Variants in TAFA1 observed in about 807,000 individuals in gnomAD.
The protein encoded by TAFA1 is TAFA chemokine like family member 1, also known as chemokine-like protein TAFA-1.
In TAFA1, 4 loss-of-function variants were observed where a neutral mutation model predicts 18.5. The ratio of observed to expected loss-of-function variants is 0.22; its 90% CI spans 0.11 to 0.49. The LOEUF (loss-of-function observed/expected upper bound fraction) is 0.49. Among genes scored for constraint, TAFA1 ranks in the 20% least tolerant of loss-of-function variants. The pLI is 0.98. For synonymous variants in TAFA1, 56 were observed against 55.2 expected (o/e 1.01, Z -0.06); for missense variants, 147 against 169.0 (o/e 0.87, Z 0.72).
At chr3:68,207,414 G>C (rs529476221) in intron 2 of TAFA1, among the ~76,000 whole-genome samples, 1 of 151,904 alleles carries the variant, frequency 6.6e-6, no homozygotes, top group Non-Finnish European at 1.5e-5. Flanking sequence ...CTGTGCAGTA[G>C]AGTATTGTCT....
At chr3:68,429,205 C>A (rs1356463736) in intron 3 of TAFA1, among the ~76,000 whole-genome samples, 7 of 151,876 alleles carry the variant, frequency 4.6e-5, no homozygotes, top group African/African-American at 1.7e-4. Context: ...GTCCATGTCA[C>A]CTGGCAATGA....
At chr3:68,339,786 C>T (rs1158354944) in intron 2 of TAFA1, among the ~76,000 whole-genome samples, 5 of 152,132 alleles carry the variant, frequency 3.3e-5, no homozygotes, top group Non-Finnish European at 7.4e-5. Context: ...AGCCTCTAAT[C>T]AGTGGTATGC....
At chr3:67,997,071 G>C in the TAFA1 span, among the ~76,000 whole-genome samples, 1 of 151,996 alleles carries the variant, frequency 6.6e-6, no homozygotes, top group Admixed American at 6.6e-5. Context: ...GCTGAGTTAG[G>C]AAAAAGGAAG....
chr3:68,201,093 T>C (rs1214242136), intron 2 of TAFA1, among the ~76,000 whole-genome samples: 1 of 151,646 alleles, frequency 6.6e-6, no homozygotes, highest in Non-Finnish European at 1.5e-5. Context: ...TTTTATTTAG[T>C]TCAAAATATT....
chr3:68,357,617 A>G (rs1224348459), intron 2 of TAFA1, among the ~76,000 whole-genome samples: 1 of 151,930 alleles, frequency 6.6e-6, no homozygotes, highest in Non-Finnish European at 1.5e-5. Flanking sequence ...GAAAACTCCA[A>G]TTAGCTGACA....
At chr3:68,403,479 G>A (rs2070536425) in intron 2 of TAFA1, among the ~76,000 whole-genome samples, 1 of 152,210 alleles carries the variant, frequency 6.6e-6, no homozygotes, top group Non-Finnish European at 1.5e-5. Context: ...TTGGCAAACT[G>A]GCCTGTAGGC....
intron 2 of TAFA1, 139 bp downstream of exon 2, chr3:68,006,883 T>G: frequency 3.1e-6 from 2 of 648,824 alleles, no homozygotes; most frequent in Non-Finnish European, 5.5e-6. Flanking sequence ...GTTGGCTGGA[T>G]GCTTTGGGGG....
chr3:68,518,372 G>A (rs2072959459), intron 3 of TAFA1, among the ~76,000 whole-genome samples: 1 of 152,014 alleles, frequency 6.6e-6, no homozygotes, highest in Non-Finnish European at 1.5e-5. Context: ...TATTTATTTT[G>A]TCATTGCCCT....
intron 2 of TAFA1, among the ~76,000 whole-genome samples, chr3:68,079,454 C>T (rs557463485): frequency 6.6e-6 from 1 of 152,214 alleles, no homozygotes; most frequent in Middle Eastern, 3.4e-3. Flanking sequence ...GCATTTAATG[C>T]TATAAATTTC....
intron 3 of TAFA1, among the ~76,000 whole-genome samples, chr3:68,486,117 A>ATTTTATTTTG (rs2072335634): frequency 6.9e-6 from 1 of 144,348 alleles, no homozygotes; most frequent in African/African-American, 2.7e-5. Context: ...ATTTTATTTT[A>ATTTTATTTTG]TTTTATTTTA....
intron 2 of TAFA1, among the ~76,000 whole-genome samples, chr3:68,186,090 GA>G (rs1262079449): frequency 6.6e-6 from 1 of 152,002 alleles, no homozygotes; most frequent in Non-Finnish European, 1.5e-5. Context: ...TCCTTGGAAA[GA>G]AAGCTGGAAA....
chr3:68,106,971 A>G (rs1476019890), intron 2 of TAFA1, among the ~76,000 whole-genome samples: 1 of 152,198 alleles, frequency 6.6e-6, no homozygotes, highest in Non-Finnish European at 1.5e-5. Flanking sequence ...ACTCTCATAC[A>G]TTGTTGGTAG....
chr3:68,388,812 T>A (rs2070164437), intron 2 of TAFA1, among the ~76,000 whole-genome samples: 1 of 152,298 alleles, frequency 6.6e-6, no homozygotes, highest in African/African-American at 2.4e-5. Flanking sequence ...ACCTTTTGGA[T>A]GGTGTTTTTA....
At position 68,005,014 on chromosome 3, in the gene TAFA1, G is replaced by C. The variant is rs375513539; in HGVS notation, c.-4+312G>C. 9.2e-5 allele frequency among the ~76,000 whole-genome samples: 14 copies of C among 151,810 alleles called. No homozygotes were observed. The East Asian group carries it at 2.3e-3, about 25-fold the overall frequency. ...AAAGCAGTCATTGAAAAACTATTAA[G>C]TTTTGGTTGTGGCAGGATTTTTTTT... is the stretch of plus-strand genomic sequence containing the variant. On this transcript the variant is annotated intron_variant, in intron 1 of 4. Transcript: ENST00000478136.
chr3:68,407,852 G>A (rs934336834), intron 2 of TAFA1, among the ~76,000 whole-genome samples: 6 of 152,012 alleles, frequency 3.9e-5, no homozygotes, highest in Non-Finnish European at 7.4e-5. Context: ...GAGAAAGGAT[G>A]GGAATTTGTT....
At chr3:68,479,111 G>T (rs1010587865) in intron 3 of TAFA1, among the ~76,000 whole-genome samples, 1 of 149,748 alleles carries the variant, frequency 6.7e-6, no homozygotes, top group Non-Finnish European at 1.5e-5. Context: ...CGCGCCTGTA[G>T]TCCCAGCCAC....
chr3:68,401,303 G>T (rs1351539348), intron 2 of TAFA1, among the ~76,000 whole-genome samples: 1 of 152,110 alleles, frequency 6.6e-6, no homozygotes, highest in South Asian at 2.1e-4. Context: ...AGTTCTTCTT[G>T]TAACAAATCC....
At chr3:68,162,259 T>C (rs575957844) in intron 2 of TAFA1, among the ~76,000 whole-genome samples, 29 of 152,336 alleles carry the variant, frequency 1.9e-4, no homozygotes, top group African/African-American at 6.7e-4. Flanking sequence ...GGACTGGTTT[T>C]GTAGAAGAAA....
chr3:68,099,095 G>A (rs1009788535), intron 2 of TAFA1, among the ~76,000 whole-genome samples: 1 of 152,016 alleles, frequency 6.6e-6, no homozygotes, highest in Non-Finnish European at 1.5e-5. Flanking sequence ...TATCAATCTT[G>A]GGAAAGAATT....
Sources: allele counts gnomAD v4.1 joint callset (sites outside exome capture counted in the v4.1 genomes callset), GRCh38; gene constraint gnomAD v4.1.1; transcripts MANE v1.5; gene names NCBI Gene and HGNC (gene_info 2026-07-23, HGNC 2026-07-21).